SEMA4F: variants seen among roughly 807,000 people sequenced by gnomAD.
The protein encoded by SEMA4F is semaphorin-4F.
A neutral mutation model predicts 78.4 loss-of-function variants in SEMA4F; 51 were observed. That is an observed-to-expected ratio of 0.65 (90% CI 0.52 to 0.82). The LOEUF is 0.82. Ranked by LOEUF, SEMA4F falls within the 40% of genes least tolerant of loss-of-function variation. SEMA4F has a pLI of 0.00. For synonymous variants in SEMA4F, 418 were observed against 408.7 expected, an observed-to-expected ratio of 1.02 and a Z score of -0.27; for missense variants, 938 against 1,014.4, an observed-to-expected ratio of 0.92 and a Z score of 1.02.
intron 5 of SEMA4F, among the ~76,000 whole-genome samples, chr2:74,667,239 A>G (rs1684742069): frequency 6.6e-6 from 1 of 152,244 alleles, no homozygotes; most frequent in Admixed American, 6.5e-5. Flanking sequence ...GTTTTTAAAC[A>G]TAATGCTGCA....
At chr2:74,669,585 A>AAACAACAAC (rs150974049) in intron 5 of SEMA4F, among the ~76,000 whole-genome samples, 8 of 151,444 alleles carry the variant, frequency 5.3e-5, no homozygotes, top group South Asian at 2.1e-4. Context: ...ACTCTGTCTC[A>AAACAACAAC]AACAACAACA....
In SEMA4F at chr2:74,679,966, G is replaced by A. The variant is rs1255516591; in HGVS notation, c.2070G>A (p.Arg690=). The A allele has an allele frequency of 6.2e-7, 1 of 1,614,100 alleles. No homozygotes were observed. The highest frequency in any genetic ancestry group is 2.2e-5 in the East Asian group (1 of 44,900). Reference sequence around the variant, plus strand: ...GGCGTCAGCAGCGACGGCGACAGAGGGAACTTCTGGCTAGAGACAAGGTGG... The same window carrying A: ...GGCGTCAGCAGCGACGGCGACAGAGAGAACTTCTGGCTAGAGACAAGGTGG... ...IGRRQQRRRQ[R]ELLARDKVGL... The change falls in exon 14 of 14, where the codon AGG becomes AGA. Residue 690 remains arginine, a synonymous_variant. Transcript: ENST00000357877.
At position 74,680,177 on chromosome 2, in the gene SEMA4F, C is replaced by T. The variant is rs1685537302; in HGVS notation, c.2281C>T (p.Pro761Ser). ...AGCCCACATTCGGCTAACTGGGGCTCCTCTAGCCACATGTGATGAAACATC... is the reference window on the plus strand; with the variant it reads ...AGCCCACATTCGGCTAACTGGGGCTTCTCTAGCCACATGTGATGAAACATC... The part of the protein sequence containing the change: ...SPAHIRLTGA[P>S]LATCDETSI Residue 761 changes from proline to serine, a missense_variant, in exon 14 of 14, where the codon CCT becomes TCT. Transcript: ENST00000357877. 2 of 1,590,422 alleles carry T rather than the reference C, an allele frequency of 1.3e-6. No homozygotes were observed. The highest frequency in any genetic ancestry group is 1.7e-5 in the Admixed American group (1 of 58,818).
chr2:74,654,643 G>T (rs976939473), intron 1 of SEMA4F, 122 bp downstream of exon 1: 4 of 818,506 alleles, frequency 4.9e-6, no homozygotes, highest in Non-Finnish European at 7.1e-6. Flanking sequence ...GTTTCACGCC[G>T]CCCACGCCCC....
In SEMA4F at chr2:74,658,567, G is replaced by A. The variant is rs1573227247; in HGVS notation, c.456+616G>A. Among the ~76,000 whole-genome samples the A allele has an allele frequency of 6.6e-6, 1 of 152,190 alleles. No individual in the cohort carries two copies. Among genetic ancestry groups the A allele is most frequent in the African/African-American group, 2.4e-5 (1 of 41,430 alleles). ...TGTTTTCTTATAGATCCTGTTTATT[G>A]CTGCTGAAGGCCTGGACATCACCAG... is the stretch of plus-strand genomic sequence containing the variant. On this transcript the variant is annotated intron_variant, in intron 4 of 13. Coordinates refer to ENST00000357877, the MANE Select transcript of SEMA4F (RefSeq NM_004263.5). The surrounding 1 kb of genome is among the most constrained non-coding windows in gnomAD (Gnocchi z 4.3).
intron 5 of SEMA4F, 43 bp downstream of exon 5, chr2:74,662,868 C>G (rs765896029): frequency 1.4e-6 from 2 of 1,469,844 alleles, no homozygotes; most frequent in Admixed American, 3.3e-5. Context: ...TTGCTAATTG[C>G]CTCCTTCCCC....
At position 74,681,315 on chromosome 2, in the gene SEMA4F, G is replaced by A. The variant is rs1685603017; in HGVS notation, c.*1106G>A. ...TGTATGCAAAATGTTGTTTGTACAT[G>A]TGTGTCTGTATGTCTCTGTGGGGAG... On this transcript the variant is annotated 3_prime_UTR_variant, in exon 14 of 14. Transcript: ENST00000357877. The A allele has an allele frequency of 6.6e-6, 1 of 152,610 alleles. No individual in the cohort carries two copies. The highest frequency in any genetic ancestry group is 1.5e-5 in the Non-Finnish European group (1 of 68,052). The allele number at this position is 152,610 out of a possible 1,614,324, so 9.5% of individuals were successfully genotyped here. A position where few individuals can be genotyped will look rare whatever the true frequency, so the allele number is the denominator to read the frequency against.
Position 74,657,952 on chromosome 2 carries a change from G to A in SEMA4F, c.456+1G>A, listed in dbSNP as rs750055095. 2.0e-5 allele frequency: 32 copies of A among 1,613,398 alleles called. No homozygotes were observed. The Admixed American group carries it at 2.3e-4, about 12-fold the overall frequency. ...TTTTGATCCGAAGTGCGGGGTTATTGTGAGTGACGGTGTGGGAGGAGAGGG... is the reference window on the plus strand; with the variant it reads ...TTTTGATCCGAAGTGCGGGGTTATTATGAGTGACGGTGTGGGAGGAGAGGG... On this transcript the variant is annotated splice_donor_variant, in intron 4 of 13. Transcript: ENST00000357877. LOFTEE classifies it high-confidence loss of function.
chr2:74,654,636 T>A, intron 1 of SEMA4F, 115 bp downstream of exon 1: 1 of 910,760 alleles, frequency 1.1e-6, no homozygotes, highest in Non-Finnish European at 1.5e-6. Context: ...GTATGGCGTT[T>A]CACGCCGCCC....
At chr2:74,702,665 G>T in the SEMA4F span, among the ~76,000 whole-genome samples, 1 of 152,094 alleles carries the variant, frequency 6.6e-6, no homozygotes, top group African/African-American at 2.4e-5. Context: ...GCCACTTACT[G>T]CTTGTGAGAC....
At chr2:74,702,541 T>C in the SEMA4F span, among the ~76,000 whole-genome samples, 1 of 152,174 alleles carries the variant, frequency 6.6e-6, no homozygotes, top group Non-Finnish European at 1.5e-5. Context: ...AAAAGGCTGA[T>C]CTCATCTAAT....
At position 74,679,724 on chromosome 2, in the gene SEMA4F, C is replaced by A; in HGVS notation, c.1828C>A (p.Arg610=). 1.2e-6 allele frequency: 2 copies of A among 1,614,160 alleles called. No individual in the cohort carries two copies. Among genetic ancestry groups the A allele is most frequent in the Non-Finnish European group, 1.7e-6 (2 of 1,180,036 alleles). Residue 610 remains arginine (R), a synonymous_variant, in exon 14 of 14, where the codon CGG becomes AGG. Transcript: ENST00000357877. The part of the protein sequence containing the change: ...QPSGVTALTP[R]RDGLEVVVTP... ...CAGTGGAGTGACTGCACTCACCCCC[C>A]GGCGGGATGGACTGGAGGTGGTGGT...
chr2:74,659,811 A>T (rs1003838004), intron 4 of SEMA4F, among the ~76,000 whole-genome samples: 11 of 152,188 alleles, frequency 7.2e-5, no homozygotes, highest in African/African-American at 2.7e-4. Flanking sequence ...TTGAGACTGT[A>T]TATAAACAAT....
At chr2:74,674,759 G>T in intron 8 of SEMA4F, 83 bp downstream of exon 8, 1 of 1,562,728 alleles carries the variant, frequency 6.4e-7, no homozygotes, top group Non-Finnish European at 8.7e-7. Flanking sequence ...TCTTCCAGAG[G>T]GGGCAGGCTC....
chr2:74,666,197 C>T lies in SEMA4F; in HGVS notation c.550+3372C>T, dbSNP rs137960038. Among the ~76,000 whole-genome samples, 199 of 152,312 alleles carry T rather than the reference C, an allele frequency of 1.3e-3. 1 individual carries two copies. The highest frequency in any genetic ancestry group is 4.6e-3 in the African/African-American group (190 of 41,564). ...CTGGGATTACAGGCGTGAGCCACTG[C>T]ACCTGGCCTCAAGCAGTAATCTTTA... On this transcript the variant is annotated intron_variant, in intron 5 of 13. Transcript: ENST00000357877.
chr2:74,654,274 C>T lies in SEMA4F; in HGVS notation c.-103C>T. ...TTCATCCCTCAGCCTCAGGCTGAGC[C>T]GGACCGAGCCGAGAGGACCCGAGTG... On this transcript the variant is annotated 5_prime_UTR_variant, in exon 1 of 14. Transcript: ENST00000357877. 4 of 1,307,902 alleles carry T rather than the reference C, an allele frequency of 3.1e-6. No homozygotes were observed. The highest frequency in any genetic ancestry group is 1.8e-5 in the South Asian group (1 of 55,512). 81.0% of individuals were successfully genotyped at this position (1,307,902 alleles called of 1,614,324 possible).
intron 12 of SEMA4F, among the ~76,000 whole-genome samples, chr2:74,676,892 G>GTTTT (rs1685319003): frequency 6.6e-6 from 1 of 152,020 alleles, no homozygotes; most frequent in African/African-American, 2.4e-5. Context: ...TAGATAAGGA[G>GTTTT]TTTTTTGTTT....
the SEMA4F span, among the ~76,000 whole-genome samples, chr2:74,696,892 A>C: frequency 1.3e-5 from 2 of 152,204 alleles, no homozygotes; most frequent in Non-Finnish European, 2.9e-5. Context: ...ATATTTAACT[A>C]ATCTCTATTT....
chr2:74,668,984 G>C (rs1009820759), intron 5 of SEMA4F, among the ~76,000 whole-genome samples: 17 of 151,146 alleles, frequency 1.1e-4, no homozygotes, highest in African/African-American at 3.9e-4. Flanking sequence ...TACAAGGCTA[G>C]GTGTGGTAGC....
Sources: gnomAD v4.1 joint callset for allele counts (sites outside exome capture counted in the v4.1 genomes callset) on GRCh38, gnomAD v4.1.1 for gene constraint, Gnocchi (gnomAD v3.1) non-coding constraint, MANE v1.5 for transcripts, NCBI Gene and HGNC (gene_info 2026-07-23, HGNC 2026-07-21) for gene names.